Variants in CNTN4 observed in about 807,000 individuals in gnomAD.
CNTN4 encodes the protein contactin 4.
A neutral mutation model predicts 122.5 loss-of-function variants in CNTN4; 77 were observed. That is an observed-to-expected ratio of 0.63 (90% CI 0.52 to 0.76). The LOEUF (loss-of-function observed/expected upper bound fraction) is 0.76, where lower values mean the gene tolerates loss of function less well. Ranked by LOEUF, CNTN4 falls within the 30% of genes least tolerant of loss-of-function variation. CNTN4 has a pLI of 0.00. For synonymous variants in CNTN4, 512 were observed against 447.0 expected, an observed-to-expected ratio of 1.15 and a Z score of -1.83; for missense variants, 1,256 against 1,259.1, an observed-to-expected ratio of 1.00 and a Z score of 0.04.
intron 4 of CNTN4, chr3:2,735,771 T>G: frequency 2.9e-6 from 1 of 347,946 alleles, no homozygotes; most frequent in Non-Finnish European, 5.6e-6. Flanking sequence ...TTGACTTATT[T>G]ACAGTATCGT....
At chr3:2,931,927 C>T (rs2094523823) in intron 13 of CNTN4, among the ~76,000 whole-genome samples, 1 of 152,138 alleles carries the variant, frequency 6.6e-6, no homozygotes, top group African/African-American at 2.4e-5. Context: ...GGATTACAGG[C>T]AGAAGCCACC....
At chr3:2,340,710 T>TATATATATATATATATATATAGAGAGAG in intron 3 of CNTN4, among the ~76,000 whole-genome samples, 10 of 18,302 alleles carry the variant, frequency 5.5e-4, no homozygotes, top group Admixed American at 2.4e-3. Flanking sequence ...TATATATATA[T>TATATATATATATATATATATAGAGAGAG]AGAGAGAGAG....
In CNTN4 at chr3:2,769,433, C is replaced by T. The variant is rs182309017; in HGVS notation, c.358+23736C>T. 1.0e-3 allele frequency among the ~76,000 whole-genome samples: 155 copies of T among 149,576 alleles called. 1 individual carries two copies. In the East Asian group the frequency reaches 0.029, roughly 28 times the overall value. On this transcript the variant is annotated intron_variant, in intron 6 of 24. Transcript: ENST00000418658. ...TGAGCCGAGATTGTGCCACTGCACTCCAGCCTGGGCAACAGAGTGAGACTC... is the reference window on the plus strand; with the variant it reads ...TGAGCCGAGATTGTGCCACTGCACTTCAGCCTGGGCAACAGAGTGAGACTC...
chr3:2,715,774 G>C (rs2087457570), intron 4 of CNTN4, among the ~76,000 whole-genome samples: 1 of 152,052 alleles, frequency 6.6e-6, no homozygotes, highest in Non-Finnish European at 1.5e-5. Context: ...CGAGCTCTTT[G>C]GTATCTCCTT....
At chr3:2,749,559 C>A (rs1021865725) in intron 6 of CNTN4, among the ~76,000 whole-genome samples, 1 of 152,090 alleles carries the variant, frequency 6.6e-6, no homozygotes, top group African/African-American at 2.4e-5. Flanking sequence ...TTTAAGAGAA[C>A]TGAGACTATC....
chr3:2,291,550 C>G (rs2149998356), intron 2 of CNTN4, among the ~76,000 whole-genome samples: 1 of 152,008 alleles, frequency 6.6e-6, no homozygotes, highest in African/African-American at 2.4e-5. Flanking sequence ...TGCATGCTAG[C>G]TTTTTTCCCT....
At chr3:2,741,423 A>G (rs986294365) in intron 5 of CNTN4, among the ~76,000 whole-genome samples, 5 of 152,182 alleles carry the variant, frequency 3.3e-5, no homozygotes, top group African/African-American at 1.2e-4. Flanking sequence ...AAGTAAGAAA[A>G]CAACAACTCT....
At chr3:2,588,283 T>A (rs1258001880) in intron 4 of CNTN4, among the ~76,000 whole-genome samples, 1 of 152,176 alleles carries the variant, frequency 6.6e-6, no homozygotes, top group Non-Finnish European at 1.5e-5. Context: ...AAGTGAGACT[T>A]TATTTTTAGT....
rs193281848 is a variant in CNTN4 at position 2,895,901 on chromosome 3, C to T, written c.941-4784C>T. Reference sequence around the variant, plus strand: ...TACAAAAATTAGCCGAGCGTGGTGGCGGGCGCCTGTGGTCCCAGCTACTCG... The same window carrying T: ...TACAAAAATTAGCCGAGCGTGGTGGTGGGCGCCTGTGGTCCCAGCTACTCG... On this transcript the variant is annotated intron_variant, in intron 10 of 24. Transcript: ENST00000418658. Among the ~76,000 whole-genome samples the T allele has an allele frequency of 4.1e-3, 617 of 152,074 alleles. 2 individuals are homozygous for T. The highest frequency in any genetic ancestry group is 0.014 in the African/African-American group (586 of 41,500).
intron 4 of CNTN4, among the ~76,000 whole-genome samples, chr3:2,675,539 C>G (rs1254506084): frequency 1.3e-5 from 2 of 152,104 alleles, no homozygotes; most frequent in Non-Finnish European, 2.9e-5. Flanking sequence ...CATTTATTGT[C>G]TGTTTTTTCC....
chr3:2,614,390 C>G (rs750180886), intron 4 of CNTN4, among the ~76,000 whole-genome samples: 1 of 152,066 alleles, frequency 6.6e-6, no homozygotes, highest in Non-Finnish European at 1.5e-5. Context: ...AATGGCAAGT[C>G]ATTGGAAAGA....
At chr3:2,749,130 A>T (rs187021902) in intron 6 of CNTN4, among the ~76,000 whole-genome samples, 18 of 152,144 alleles carry the variant, frequency 1.2e-4, no homozygotes, top group African/African-American at 3.9e-4. Context: ...CTACTTTTAC[A>T]TAACAGTATC....
At chr3:2,987,333 T>TA (rs1186888658) in intron 13 of CNTN4, among the ~76,000 whole-genome samples, 1 of 152,204 alleles carries the variant, frequency 6.6e-6, no homozygotes, top group Non-Finnish European at 1.5e-5. Flanking sequence ...GAGCCAAGGA[T>TA]ATAGCTTTAA....
chr3:2,765,264 C>CACTGAGTT lies in CNTN4; in HGVS notation c.358+19568_358+19575dup, dbSNP rs201192846. 6.2e-3 allele frequency among the ~76,000 whole-genome samples: 947 copies of CACTGAGTT among 152,254 alleles called. 13 individuals are homozygous for CACTGAGTT. Among genetic ancestry groups the CACTGAGTT allele is most frequent in the African/African-American group, 0.022 (902 of 41,536 alleles). The stretch of plus-strand genomic sequence containing the variant: ...CAATATCACCACTCGTACTTGTCGT[C>CACTGAGTT]ACTGAGTTTCTGCACGGAGATGAAA... On this transcript the variant is annotated intron_variant, in intron 6 of 24. Coordinates refer to ENST00000418658, the MANE Select transcript of CNTN4 (RefSeq NM_175607.3).
At chr3:2,428,976 A>G (rs994817428) in intron 3 of CNTN4, among the ~76,000 whole-genome samples, 5 of 152,174 alleles carry the variant, frequency 3.3e-5, no homozygotes, top group African/African-American at 1.2e-4. Flanking sequence ...CCATTCATCT[A>G]ATCTTTTTTC....
chr3:2,122,157 A>AT (rs2125217869), intron 2 of CNTN4, among the ~76,000 whole-genome samples: 1 of 151,614 alleles, frequency 6.6e-6, no homozygotes, highest in East Asian at 1.9e-4. Flanking sequence ...TCCATCTCAA[A>AT]AAAAAAAAAA....
intron 7 of CNTN4, among the ~76,000 whole-genome samples, chr3:2,859,567 C>G (rs1259810192): frequency 6.6e-6 from 1 of 150,436 alleles, no homozygotes; most frequent in Non-Finnish European, 1.5e-5. Flanking sequence ...GACTTCTTCC[C>G]TTGCAGGATG....
rs11710242 is a variant in CNTN4 at position 2,107,837 on chromosome 3, C to T, written c.-145+7198C>T. On this transcript the variant is annotated intron_variant, in intron 2 of 24. Coordinates refer to ENST00000418658, the MANE Select transcript of CNTN4 (RefSeq NM_175607.3). ...ATCTTATGTCACTTTGGTTGTGTGC[C>T]TAACAGTTTCACTCCCTTGTAATAC... is the stretch of plus-strand genomic sequence containing the variant. 5.4e-3 allele frequency among the ~76,000 whole-genome samples: 827 copies of T among 152,178 alleles called. 2 individuals carry two copies. Among genetic ancestry groups the T allele is most frequent in the Non-Finnish European group, 8.9e-3 (602 of 68,014 alleles).
chr3:2,201,516 C>T (rs2038095538), intron 2 of CNTN4, among the ~76,000 whole-genome samples: 1 of 152,122 alleles, frequency 6.6e-6, no homozygotes. Flanking sequence ...TAATTACATC[C>T]AGGTACCTTC....
Sources: allele counts gnomAD v4.1 joint callset (sites outside exome capture counted in the v4.1 genomes callset), GRCh38; gene constraint gnomAD v4.1.1; transcripts MANE v1.5; gene names NCBI Gene and HGNC (gene_info 2026-07-23, HGNC 2026-07-21).